CYP2C19: variants seen among roughly 807,000 people sequenced by gnomAD.
The protein encoded by CYP2C19 is cytochrome P450 2C19.
Under a neutral mutation model 40.9 loss-of-function variants are expected in CYP2C19, and 59 were observed. That is an observed-to-expected ratio of 1.44 (90% CI 1.17 to 1.79). CYP2C19 has a LOEUF of 1.79. Among genes scored for constraint, CYP2C19 ranks in the 40% most tolerant of loss-of-function variants. The pLI, the probability that CYP2C19 is intolerant of heterozygous loss-of-function variation, is 0.00. For synonymous variants in CYP2C19, 253 were observed against 208.7 expected, an observed-to-expected ratio of 1.21 and a Z score of -1.83; for missense variants, 754 against 596.9, an observed-to-expected ratio of 1.26 and a Z score of -2.74.
At position 94,831,445 on chromosome 10, in the gene CYP2C19, A is replaced by G. The variant is rs942916404; in HGVS notation, c.961+10808A>G. Among the ~76,000 whole-genome samples the G allele has an allele frequency of 5.3e-5, 8 of 152,286 alleles. No individual in the cohort carries two copies. In the South Asian group the frequency reaches 1.0e-3, roughly 20 times the overall value. ...TTTTTAGTTTTTTAAAAAACTTACAATATATATTTTTAGTTTTTTGAGGAA... is the reference window on the plus strand; with the variant it reads ...TTTTTAGTTTTTTAAAAAACTTACAGTATATATTTTTAGTTTTTTGAGGAA... On this transcript the variant is annotated intron_variant, in intron 6 of 8. Coordinates refer to ENST00000371321, the MANE Select transcript of CYP2C19 (RefSeq NM_000769.4).
intron 5 of CYP2C19, among the ~76,000 whole-genome samples, chr10:94,797,415 T>G (rs1394878306): frequency 6.6e-6 from 1 of 152,124 alleles, no homozygotes; most frequent in African/African-American, 2.4e-5. Context: ...TGAAGATTTT[T>G]GCATCGATGT....
intron 6 of CYP2C19, among the ~76,000 whole-genome samples, chr10:94,822,336 G>C (rs1327741801): frequency 6.6e-6 from 1 of 152,128 alleles, no homozygotes; most frequent in Non-Finnish European, 1.5e-5. Flanking sequence ...CTGCCCCCAT[G>C]ATTAAATTAT....
intron 1 of CYP2C19, among the ~76,000 whole-genome samples, chr10:94,767,663 T>A (rs1334558287): frequency 1.3e-5 from 2 of 152,210 alleles, no homozygotes; most frequent in African/African-American, 4.8e-5. Context: ...CCAGAGGAGA[T>A]TTGGCCCTGT....
chr10:94,825,202 T>G (rs1849196647), intron 6 of CYP2C19, among the ~76,000 whole-genome samples: 1 of 144,220 alleles, frequency 6.9e-6, no homozygotes, highest in South Asian at 2.4e-4. Flanking sequence ...AAATGGTATT[T>G]CCAGTTCTAG....
chr10:94,847,542 G>A (rs1489283546), intron 7 of CYP2C19, among the ~76,000 whole-genome samples: 2 of 152,114 alleles, frequency 1.3e-5, no homozygotes, highest in Non-Finnish European at 2.9e-5. Flanking sequence ...AAATATACGT[G>A]TGCATGTGTC....
chr10:94,782,240 A>G (rs948915415), intron 5 of CYP2C19, among the ~76,000 whole-genome samples: 1 of 152,182 alleles, frequency 6.6e-6, no homozygotes, highest in Non-Finnish European at 1.5e-5. Flanking sequence ...AACAATAAGG[A>G]TGTCAGGATA....
At chr10:94,831,049 T>A (rs535793557) in intron 6 of CYP2C19, among the ~76,000 whole-genome samples, 24 of 152,214 alleles carry the variant, frequency 1.6e-4, no homozygotes, top group Non-Finnish European at 2.8e-4. Context: ...AAGTATCTGG[T>A]AGCCATCCTT....
intron 5 of CYP2C19, among the ~76,000 whole-genome samples, chr10:94,787,979 T>C (rs112573749): frequency 6.6e-6 from 1 of 152,122 alleles, no homozygotes; most frequent in South Asian, 2.1e-4. Context: ...TTTAATGATA[T>C]TGATTGTTTT....
At chr10:94,781,475 A>G (rs1202850342) in intron 4 of CYP2C19, among the ~76,000 whole-genome samples, 1 of 152,252 alleles carries the variant, frequency 6.6e-6, no homozygotes, top group East Asian at 1.9e-4. Flanking sequence ...CTATGCTATC[A>G]TCTCCAAAAT....
At chr10:94,827,959 T>A (rs1410046550) in intron 6 of CYP2C19, among the ~76,000 whole-genome samples, 1 of 151,896 alleles carries the variant, frequency 6.6e-6, no homozygotes, top group Non-Finnish European at 1.5e-5. Context: ...TCAGTTTCCA[T>A]GTAGTTGAGC....
chr10:94,765,309 A>G (rs926831789), intron 1 of CYP2C19, among the ~76,000 whole-genome samples: 2 of 152,036 alleles, frequency 1.3e-5, no homozygotes, highest in Admixed American at 1.3e-4. Context: ...GGCAATGTTA[A>G]TGTTGGGACT....
At chr10:94,851,907 A>T (rs1157141257) in intron 8 of CYP2C19, among the ~76,000 whole-genome samples, 1 of 152,218 alleles carries the variant, frequency 6.6e-6, no homozygotes, top group Non-Finnish European at 1.5e-5. Context: ...TGGAAGCATG[A>T]ACATGATGTT....
intron 6 of CYP2C19, among the ~76,000 whole-genome samples, chr10:94,822,541 G>T (rs994859291): frequency 6.6e-6 from 1 of 152,092 alleles, no homozygotes; most frequent in African/African-American, 2.4e-5. Flanking sequence ...ACATATTGGT[G>T]TGTGTGTCTT....
intron 6 of CYP2C19, among the ~76,000 whole-genome samples, chr10:94,829,092 T>C (rs2134276123): frequency 6.6e-6 from 1 of 152,304 alleles, no homozygotes; most frequent in East Asian, 1.9e-4. Flanking sequence ...TGGCTGCCCT[T>C]AACATTTTTT....
chr10:94,836,866 C>T (rs540643734), intron 6 of CYP2C19, among the ~76,000 whole-genome samples: 3 of 152,298 alleles, frequency 2.0e-5, no homozygotes, highest in Admixed American at 1.3e-4. Flanking sequence ...CATCCACGTA[C>T]TGAAGGACAA....
intron 6 of CYP2C19, among the ~76,000 whole-genome samples, chr10:94,835,124 G>A (rs998822774): frequency 1.3e-5 from 2 of 152,156 alleles, no homozygotes; most frequent in African/African-American, 4.8e-5. Flanking sequence ...AGAATGATTT[G>A]TAGTTTTACA....
chr10:94,837,910 AG>A (rs1849430636), intron 6 of CYP2C19, among the ~76,000 whole-genome samples: 1 of 152,158 alleles, frequency 6.6e-6, no homozygotes, highest in African/African-American at 2.4e-5. Flanking sequence ...GGCATGGACG[AG>A]GGGGCAGCTT....
At chr10:94,849,253 G>A (rs77460241) in intron 7 of CYP2C19, among the ~76,000 whole-genome samples, 1,846 of 152,220 alleles carry the variant, frequency 0.012, 55 homozygotes, top group African/African-American at 0.043. Flanking sequence ...TGATGAAAAG[G>A]ACAGATTCAG....
chr10:94,787,870 G>A (rs1332448956), intron 5 of CYP2C19, among the ~76,000 whole-genome samples: 3 of 151,978 alleles, frequency 2.0e-5, no homozygotes, highest in Admixed American at 6.6e-5. Flanking sequence ...GGTTTCAAAC[G>A]AATTTTAGAA....
Sources: gnomAD v4.1 joint callset for allele counts (sites outside exome capture counted in the v4.1 genomes callset) on GRCh38, gnomAD v4.1.1 for gene constraint, MANE v1.5 for transcripts, NCBI Gene and HGNC (gene_info 2026-07-23, HGNC 2026-07-21) for gene names.